ABCC3: variants seen among roughly 807,000 people sequenced by gnomAD.
ABCC3 encodes the protein ATP binding cassette subfamily C member 3.
In ABCC3, 121 loss-of-function variants were observed where a neutral mutation model predicts 165.3. The ratio of observed to expected loss-of-function variants is 0.73; its 90% CI spans 0.63 to 0.85. The LOEUF (loss-of-function observed/expected upper bound fraction) is 0.85. Among genes scored for constraint, ABCC3 ranks in the 40% least tolerant of loss-of-function variants. ABCC3 has a pLI of 0.00. For missense variants in ABCC3, 1,869 were observed against 1,964.1 expected (o/e 0.95, Z 0.92); for synonymous variants, 733 against 810.1 (o/e 0.90, Z 1.62).
intron 19 of ABCC3, 124 bp from the exon 20 acceptor site, chr17:50,675,238 C>T: frequency 3.4e-6 from 2 of 595,652 alleles, no homozygotes; most frequent in South Asian, 2.8e-5. Flanking sequence ...CCCTTTCAAT[C>T]CCCCTCATTT....
chr17:50,635,295 A>G (rs773377862), intron 1 of ABCC3: 2 of 626,256 alleles, frequency 3.2e-6, no homozygotes, highest in South Asian at 3.6e-5. Context: ...AGTCGGCTCC[A>G]TCCCAGCCCC....
At chr17:50,685,587 G>C (rs529490878) in intron 29 of ABCC3, among the ~76,000 whole-genome samples, 9 of 152,108 alleles carry the variant, frequency 5.9e-5, no homozygotes, top group African/African-American at 1.7e-4. Context: ...ACACATCATT[G>C]ATATAAGTAT....
At chr17:50,668,032 G>A (rs775494913) in intron 13 of ABCC3, 23 bp downstream of exon 13, 4 of 1,604,496 alleles carry the variant, frequency 2.5e-6, no homozygotes, top group Admixed American at 3.3e-5. Context: ...AGGGCTGGGG[G>A]CTCTACTGGA....
At chr17:50,638,996 C>T (rs1489391910) in intron 1 of ABCC3, among the ~76,000 whole-genome samples, 1 of 152,190 alleles carries the variant, frequency 6.6e-6, no homozygotes, top group Non-Finnish European at 1.5e-5. Flanking sequence ...GTATCAGGGT[C>T]TCCTCTGCCT....
At chr17:50,657,260 G>A (rs1967273026) in intron 4 of ABCC3, 77 bp downstream of exon 4, 6 of 1,554,976 alleles carry the variant, frequency 3.9e-6, no homozygotes, top group Non-Finnish European at 5.2e-6. Context: ...AGTCACTGCT[G>A]GGTCCCAGGT....
At chr17:50,670,078 G>A (rs1488548145) in intron 17 of ABCC3, among the ~76,000 whole-genome samples, 2 of 151,508 alleles carry the variant, frequency 1.3e-5, no homozygotes, top group African/African-American at 4.9e-5. Flanking sequence ...GCTGCACCTG[G>A]CTGAGCATCA....
At chr17:50,658,534 G>C (rs1408479778) in intron 6 of ABCC3, 38 bp downstream of exon 6, 1 of 1,595,114 alleles carries the variant, frequency 6.3e-7, no homozygotes, top group Admixed American at 1.7e-5. Context: ...CAGAGGGAGG[G>C]GAGGGATGGA....
At chr17:50,647,243 A>G (rs965163403) in intron 1 of ABCC3, among the ~76,000 whole-genome samples, 4 of 152,182 alleles carry the variant, frequency 2.6e-5, no homozygotes, top group Non-Finnish European at 5.9e-5. Context: ...CCAAGTCTCA[A>G]ACACCTCTTT....
chr17:50,683,975 T>G lies in ABCC3; in HGVS notation c.3981T>G (p.Ala1327=). 1 of 1,613,438 alleles carries G rather than the reference T, an allele frequency of 6.2e-7. No individual in the cohort carries two copies. Among genetic ancestry groups the G allele is most frequent in the African/African-American group, 1.3e-5 (1 of 75,014 alleles). Residue 1327 remains alanine (A), a synonymous_variant, in exon 28 of 31, where the codon GCT becomes GCG. Transcript: ENST00000285238. ...EKVGIVGRTG[A]GKSSMTLCLF... ...TGGGGATCGTGGGCCGCACTGGGGC[T>G]GGCAAGTCTTCCATGACCCTTTGCC...
chr17:50,652,081 G>A (rs1186796421), intron 1 of ABCC3, among the ~76,000 whole-genome samples: 1 of 152,160 alleles, frequency 6.6e-6, no homozygotes, highest in Non-Finnish European at 1.5e-5. Context: ...AATTTTCTGA[G>A]AGAATACTTC....
intron 14 of ABCC3, 45 bp from the exon 15 acceptor site, chr17:50,668,808 T>A (rs1411068760): frequency 7.2e-6 from 11 of 1,525,720 alleles, no homozygotes; most frequent in South Asian, 4.5e-5. Flanking sequence ...GGCTACCCCA[T>A]CCCTTGAGCT....
chr17:50,686,109 G>T (rs922938285), intron 29 of ABCC3, among the ~76,000 whole-genome samples: 1 of 152,188 alleles, frequency 6.6e-6, no homozygotes, highest in East Asian at 1.9e-4. Flanking sequence ...CAGGAGAATC[G>T]CTTGAACCCT....
chr17:50,657,732 C>T (rs553920445), intron 4 of ABCC3, among the ~76,000 whole-genome samples: 31 of 152,334 alleles, frequency 2.0e-4, no homozygotes, highest in African/African-American at 7.5e-4. Flanking sequence ...CCACTTACTC[C>T]CCATGTGGGC....
intron 30 of ABCC3, among the ~76,000 whole-genome samples, chr17:50,689,867 G>C (rs917665881): frequency 6.6e-6 from 1 of 152,202 alleles, no homozygotes; most frequent in African/African-American, 2.4e-5. Flanking sequence ...GCAGCCCTAG[G>C]GTGAGGGGCT....
chr17:50,664,272 G>A (rs1967470304), intron 10 of ABCC3, 161 bp downstream of exon 10: 2 of 926,756 alleles, frequency 2.2e-6, no homozygotes, highest in East Asian at 2.6e-5. Context: ...TCTGGCTGCA[G>A]TGCGCCACGA....
At chr17:50,684,480 T>G (rs1967987171) in intron 28 of ABCC3, among the ~76,000 whole-genome samples, 1 of 152,120 alleles carries the variant, frequency 6.6e-6, no homozygotes, top group Non-Finnish European at 1.5e-5. Flanking sequence ...GGAGTCAGAT[T>G]AGTGGCTCTG....
At chr17:50,664,323 A>G in intron 10 of ABCC3, 2 of 608,908 alleles carry the variant, frequency 3.3e-6, no homozygotes, top group African/African-American at 1.8e-5. Flanking sequence ...CCTGGGCAAC[A>G]TAGCAAGACC....
intron 17 of ABCC3, among the ~76,000 whole-genome samples, chr17:50,671,225 A>C (rs180976110): frequency 1.3e-5 from 2 of 151,350 alleles, no homozygotes; most frequent in Non-Finnish European, 2.9e-5. Context: ...GTATCACTGC[A>C]TTCCAGCCTG....
At chr17:50,655,414 A>AAC (rs1555586142) in intron 1 of ABCC3, among the ~76,000 whole-genome samples, 5 of 149,184 alleles carry the variant, frequency 3.4e-5, no homozygotes, top group Non-Finnish European at 7.4e-5. Flanking sequence ...CAAAAAAAAA[A>AAC]AAAAAAACAA....
Sources: allele counts gnomAD v4.1 joint callset (sites outside exome capture counted in the v4.1 genomes callset), GRCh38; gene constraint gnomAD v4.1.1; transcripts MANE v1.5; gene names NCBI Gene and HGNC (gene_info 2026-07-23, HGNC 2026-07-21).